BCKDHB: variants seen among roughly 807,000 people sequenced by gnomAD.
BCKDHB encodes the protein branched chain keto acid dehydrogenase E1 subunit beta.
A neutral mutation model predicts 48.5 loss-of-function variants in BCKDHB; 41 were observed. That is an observed-to-expected ratio of 0.85 (90% CI 0.66 to 1.10). The LOEUF is 1.10. BCKDHB is among the 50% of genes least tolerant of loss of function. The probability of loss-of-function intolerance (pLI) is 0.00; values close to 1 mark genes in which losing one functional copy is unlikely to be tolerated. For missense variants in BCKDHB, 496 were observed against 494.2 expected, an observed-to-expected ratio of 1.00 and a Z score of -0.03; for synonymous variants, 201 against 174.8, an observed-to-expected ratio of 1.15 and a Z score of -1.18.
intron 6 of BCKDHB, among the ~76,000 whole-genome samples, chr6:80,173,855 GTGTCTCAGA>G: frequency 7.0e-6 from 1 of 142,014 alleles, no homozygotes; most frequent in Admixed American, 7.2e-5. Flanking sequence ...TTCTAGCCCT[GTGTCTCAGA>G]TGTACTTTAC....
intron 3 of BCKDHB, among the ~76,000 whole-genome samples, chr6:80,155,611 A>C (rs116550441): frequency 6.6e-6 from 1 of 152,088 alleles, no homozygotes; most frequent in Non-Finnish European, 1.5e-5. Flanking sequence ...ACCCAACCAT[A>C]GTTTTTACAG....
At chr6:80,262,653 T>G (rs1188097459) in intron 8 of BCKDHB, among the ~76,000 whole-genome samples, 1 of 152,190 alleles carries the variant, frequency 6.6e-6, no homozygotes, top group East Asian at 1.9e-4. Flanking sequence ...TGTCCTTACT[T>G]TTAAACTTAT....
chr6:80,231,307 C>G (rs1775913421), intron 8 of BCKDHB, among the ~76,000 whole-genome samples: 3 of 151,400 alleles, frequency 2.0e-5, no homozygotes, highest in African/African-American at 7.3e-5. Context: ...TTAAACAAGG[C>G]AGAAAATATA....
At chr6:80,222,706 T>G (rs1775514574) in intron 8 of BCKDHB, among the ~76,000 whole-genome samples, 1 of 152,208 alleles carries the variant, frequency 6.6e-6, no homozygotes, top group African/African-American at 2.4e-5. Context: ...TTTAATATCC[T>G]TATCTATTTC....
intron 8 of BCKDHB, among the ~76,000 whole-genome samples, chr6:80,269,398 C>CT (rs1302734378): frequency 6.6e-6 from 1 of 152,080 alleles, no homozygotes; most frequent in East Asian, 1.9e-4. Flanking sequence ...GTTTTTAATG[C>CT]TTTTTTGACA....
At chr6:80,372,425 T>G in the BCKDHB span, among the ~76,000 whole-genome samples, 1 of 152,196 alleles carries the variant, frequency 6.6e-6, no homozygotes, top group Admixed American at 6.5e-5. Context: ...CTTTACCAAT[T>G]TGGATGCCCT....
At chr6:80,358,954 A>G in the BCKDHB span, among the ~76,000 whole-genome samples, 1 of 152,208 alleles carries the variant, frequency 6.6e-6, no homozygotes, top group East Asian at 1.9e-4. Context: ...TCATTTCTGA[A>G]TAATGAGGCA....
intron 9 of BCKDHB, among the ~76,000 whole-genome samples, chr6:80,291,460 T>G (rs531377092): frequency 2.2e-4 from 33 of 152,362 alleles, no homozygotes; most frequent in African/African-American, 7.7e-4. Context: ...TCTGCATTCC[T>G]GCACAAAGAG....
At chr6:80,293,350 A>G (rs149165673) in intron 9 of BCKDHB, among the ~76,000 whole-genome samples, 7 of 152,278 alleles carry the variant, frequency 4.6e-5, no homozygotes, top group African/African-American at 1.7e-4. Context: ...TGCAGGCTTA[A>G]CACTACGTGG....
At chr6:80,307,797 C>A in intron 9 of BCKDHB, 2 of 985,000 alleles carry the variant, frequency 2.0e-6, no homozygotes, top group South Asian at 4.7e-5. Flanking sequence ...TAAAATTTAC[C>A]AAAGTTGTAG....
the BCKDHB span, among the ~76,000 whole-genome samples, chr6:80,410,582 A>C: frequency 2.0e-5 from 3 of 152,208 alleles, no homozygotes; most frequent in South Asian, 6.2e-4. Context: ...CAGGTACACC[A>C]ATCAAATGTA....
intron 9 of BCKDHB, among the ~76,000 whole-genome samples, chr6:80,274,345 T>G (rs971915042): frequency 1.3e-5 from 2 of 151,984 alleles, no homozygotes; most frequent in African/African-American, 4.8e-5. Context: ...ATATTTGAGT[T>G]TTGTAGATTT....
rs766070572 is a variant in BCKDHB, at chr6:80,203,152, G to A, written c.891G>A (p.Val297=). 6.2e-7 allele frequency: 1 copy of A among 1,613,018 alleles called. No individual in the cohort carries two copies. Among genetic ancestry groups the A allele is most frequent in the East Asian group, 2.2e-5 (1 of 44,822 alleles). The change falls in exon 8 of 10, where the codon GTG becomes GTA. Residue 297 remains valine (V), a synonymous_variant. Coordinates refer to ENST00000320393, the MANE Select transcript of BCKDHB (RefSeq NM_183050.4). ...VASMAKEKLG[V]SCEVIDLRTI... is the part of the protein sequence containing the mutation. The stretch of plus-strand genomic sequence containing the variant: ...CCATGGCAAAAGAAAAGCTTGGAGT[G>A]TCTTGTGAAGTCATTGATCTGAGGA...
chr6:80,337,081 T>C (rs894763513), intron 9 of BCKDHB, among the ~76,000 whole-genome samples: 16 of 152,152 alleles, frequency 1.1e-4, no homozygotes, highest in African/African-American at 3.6e-4. Context: ...GTTGTTGGCA[T>C]ACTGCCTTCA....
At chr6:80,169,119 A>G (rs1327798667) in intron 5 of BCKDHB, 89 bp downstream of exon 5, 1 of 1,511,106 alleles carries the variant, frequency 6.6e-7, no homozygotes, top group Non-Finnish European at 9.1e-7. Context: ...TCTAGAGGAA[A>G]GAAAACAAAC....
At chr6:80,278,624 A>G (rs1487478910) in intron 9 of BCKDHB, among the ~76,000 whole-genome samples, 1 of 152,144 alleles carries the variant, frequency 6.6e-6, no homozygotes, top group East Asian at 1.9e-4. Context: ...CAGTGGCGCA[A>G]TCTCAGCTCA....
intron 8 of BCKDHB, among the ~76,000 whole-genome samples, chr6:80,229,925 A>G (rs1035799874): frequency 6.6e-6 from 1 of 151,962 alleles, no homozygotes; most frequent in Non-Finnish European, 1.5e-5. Context: ...AGGCTGTTAA[A>G]ATCAGACTAA....
chr6:80,446,045 T>A, the BCKDHB span, among the ~76,000 whole-genome samples: 1 of 152,184 alleles, frequency 6.6e-6, no homozygotes, highest in African/African-American at 2.4e-5. Context: ...AGCCAAGGAA[T>A]GAGATTTGTT....
chr6:80,137,527 CT>C (rs1770948966), intron 3 of BCKDHB, among the ~76,000 whole-genome samples: 2 of 152,122 alleles, frequency 1.3e-5, no homozygotes, highest in African/African-American at 2.4e-5. Flanking sequence ...TCACTGTTGG[CT>C]TGTTGACCAG....
Sources: gnomAD v4.1 joint callset for allele counts (sites outside exome capture counted in the v4.1 genomes callset) on GRCh38, gnomAD v4.1.1 for gene constraint, MANE v1.5 for transcripts, NCBI Gene and HGNC (gene_info 2026-07-23, HGNC 2026-07-21) for gene names.